CBL: variants seen among roughly 807,000 people sequenced by gnomAD.
CBL encodes E3 ubiquitin-protein ligase CBL.
Under a neutral mutation model 96.9 loss-of-function variants are expected in CBL, and 45 were observed. The observed-to-expected ratio is 0.46, with a 90% CI of 0.37 to 0.60. The LOEUF is 0.60. Among genes scored for constraint, CBL ranks in the 20% least tolerant of loss-of-function variants. The probability of loss-of-function intolerance (pLI) is 0.00; values close to 1 mark genes in which losing one functional copy is unlikely to be tolerated. For synonymous variants in CBL, 420 were observed against 426.8 expected (o/e 0.98, Z 0.20); for missense variants, 1,024 against 1,143.5 (o/e 0.90, Z 1.51).
At chr11:119,230,276 C>A (rs1306399813) in intron 1 of CBL, among the ~76,000 whole-genome samples, 2 of 151,766 alleles carry the variant, frequency 1.3e-5, no homozygotes, top group East Asian at 3.9e-4. Flanking sequence ...CTCAGCCTCT[C>A]CGAGTAGCTG....
chr11:119,264,979 C>G (rs572019889), intron 2 of CBL, among the ~76,000 whole-genome samples: 6 of 152,246 alleles, frequency 3.9e-5, no homozygotes, highest in African/African-American at 1.2e-4. Flanking sequence ...CAGGTTCAAG[C>G]TATCATCCCA....
chr11:119,276,406 T>C (rs1949889756), intron 6 of CBL, among the ~76,000 whole-genome samples: 1 of 152,244 alleles, frequency 6.6e-6, no homozygotes, highest in African/African-American at 2.4e-5. Context: ...TTTTCAAGCC[T>C]GTGTTAGGTT....
intron 2 of CBL, among the ~76,000 whole-genome samples, chr11:119,248,099 A>C (rs1195372340): frequency 6.6e-6 from 1 of 152,206 alleles, no homozygotes; most frequent in Non-Finnish European, 1.5e-5. Flanking sequence ...TTCCAGTAGC[A>C]CTTTTTTCAG....
intron 1 of CBL, among the ~76,000 whole-genome samples, chr11:119,209,308 C>G (rs1242033468): frequency 6.6e-6 from 1 of 152,174 alleles, no homozygotes; most frequent in Non-Finnish European, 1.5e-5. Context: ...ATGTCCCACA[C>G]ATTTAATTCT....
rs1032679085 is a variant in CBL at position 119,305,459 on chromosome 11, A to C, written c.*5678A>C. 2 of 230,986 alleles carry C rather than the reference A, an allele frequency of 8.7e-6. No homozygotes were observed. Among genetic ancestry groups the C allele is most frequent in the Non-Finnish European group, 1.7e-5 (2 of 116,674 alleles). The allele number at this position is 230,986 out of a possible 1,614,324, so 14.3% of individuals were successfully genotyped here. On this transcript the variant is annotated 3_prime_UTR_variant, in exon 16 of 16. Transcript: ENST00000264033. The stretch of plus-strand genomic sequence containing the variant: ...GTCCTCTTCAGGTTTGAGTGCTTGA[A>C]AATGTTCATTCTCTGGGCTTGTGGC...
chr11:119,281,991 A>T (rs1453764050), intron 9 of CBL, among the ~76,000 whole-genome samples: 3 of 152,110 alleles, frequency 2.0e-5, no homozygotes, highest in Non-Finnish European at 4.4e-5. Context: ...CTTATTTTCC[A>T]TTTATAAATT....
intron 2 of CBL, among the ~76,000 whole-genome samples, chr11:119,270,416 TTATATA>T (rs142299271): frequency 2.7e-5 from 2 of 74,364 alleles, no homozygotes; most frequent in South Asian, 5.6e-4. Context: ...CAGCTAATTT[TTATATA>T]TATATATATA....
Position 119,225,727 on chromosome 11 carries a change from T to TTTC in CBL, c.196-6719_196-6718insCTT, listed in dbSNP as rs1555226232. Among the ~76,000 whole-genome samples the TTTC allele has an allele frequency of 6.3e-5, 9 of 143,012 alleles. 1 individual carries two copies. Among genetic ancestry groups the TTTC allele is most frequent in the Admixed American group, 4.1e-4 (6 of 14,464 alleles). The allele number at this position is 143,012 out of a possible 152,430, so 93.8% of individuals were successfully genotyped here. A position where few individuals can be genotyped will look rare whatever the true frequency, so the allele number is the denominator to read the frequency against. On this transcript the variant is annotated intron_variant, in intron 1 of 15. Coordinates refer to ENST00000264033, the MANE Select transcript of CBL (RefSeq NM_005188.4). ...ATCCAGCCAATATAAATATTTTCTT[T>TTTC]TTTTTTTTTTTTTTTTTGAGACAGA...
At position 119,307,842 on chromosome 11, in the gene CBL, G is replaced by A. The variant is rs967192523; in HGVS notation, c.*8061G>A. ...ACAAACACATAGGTGAGATTTTCGT[G>A]GACTATTTTAAAAATGTGTCATTAA... On this transcript the variant is annotated 3_prime_UTR_variant, in exon 16 of 16. Transcript: ENST00000264033. 1.5e-5 allele frequency: 3 copies of A among 206,770 alleles called. No homozygotes were observed. The highest frequency in any genetic ancestry group is 3.0e-5 in the Non-Finnish European group (3 of 101,344). The allele number at this position is 206,770 out of a possible 1,614,324, so 12.8% of individuals were successfully genotyped here. A position where few individuals can be genotyped will look rare whatever the true frequency, so the allele number is the denominator to read the frequency against.
At chr11:119,255,213 C>CT (rs1323893420) in intron 2 of CBL, among the ~76,000 whole-genome samples, 1 of 152,098 alleles carries the variant, frequency 6.6e-6, no homozygotes, top group Non-Finnish European at 1.5e-5. Context: ...TACCTAGAGA[C>CT]TGTGTGGAGC....
At chr11:119,286,937 T>C (rs979859316) in intron 11 of CBL, among the ~76,000 whole-genome samples, 1 of 152,158 alleles carries the variant, frequency 6.6e-6, no homozygotes, top group African/African-American at 2.4e-5. Context: ...AAGAAGGGTA[T>C]AGAGAAAGCT....
At chr11:119,212,118 C>T (rs930180888) in intron 1 of CBL, among the ~76,000 whole-genome samples, 5 of 151,484 alleles carry the variant, frequency 3.3e-5, no homozygotes, top group Non-Finnish European at 5.9e-5. Context: ...GGGGTTTCTC[C>T]ATGTTGGGCA....
chr11:119,257,321 A>G (rs1293513795), intron 2 of CBL, among the ~76,000 whole-genome samples: 1 of 152,194 alleles, frequency 6.6e-6, no homozygotes, highest in Non-Finnish European at 1.5e-5. Flanking sequence ...GTAAGGTGGT[A>G]TCTCATTGTG....
intron 1 of CBL, among the ~76,000 whole-genome samples, chr11:119,224,904 C>CA (rs1949445021): frequency 1.3e-5 from 2 of 151,804 alleles, no homozygotes; most frequent in Non-Finnish European, 2.9e-5. Context: ...GGCAAGGGGG[C>CA]AGGCACACTT....
intron 3 of CBL, 87 bp downstream of exon 3, chr11:119,271,968 A>G: frequency 7.5e-7 from 1 of 1,335,232 alleles, no homozygotes; most frequent in Non-Finnish European, 1.1e-6. Flanking sequence ...AATATTTAAA[A>G]TTTGGGAACT....
chr11:119,248,689 A>G (rs533878239), intron 2 of CBL, among the ~76,000 whole-genome samples: 1 of 152,350 alleles, frequency 6.6e-6, no homozygotes, highest in South Asian at 2.1e-4. Flanking sequence ...CATATTAAGG[A>G]AGTGAAAAGG....
intron 2 of CBL, among the ~76,000 whole-genome samples, chr11:119,259,123 C>T (rs1949733274): frequency 2.0e-5 from 3 of 152,062 alleles, no homozygotes; most frequent in African/African-American, 2.4e-5. Flanking sequence ...GACTTGTATA[C>T]GTTGATTTCG....
intron 11 of CBL, among the ~76,000 whole-genome samples, 175 bp from the exon 12 acceptor site, chr11:119,287,676 TG>T (rs1193272528): frequency 6.6e-6 from 1 of 152,222 alleles, no homozygotes; most frequent in Non-Finnish European, 1.5e-5. Context: ...ACTTTACATT[TG>T]AAGGTTCTTC....
At chr11:119,233,888 T>G (rs995653403) in intron 2 of CBL, among the ~76,000 whole-genome samples, 3 of 152,240 alleles carry the variant, frequency 2.0e-5, no homozygotes, top group African/African-American at 7.2e-5. Context: ...CAACCCTAGC[T>G]TTCAATTAAA....
Sources: gnomAD v4.1 joint callset for allele counts (sites outside exome capture counted in the v4.1 genomes callset) on GRCh38, gnomAD v4.1.1 for gene constraint, MANE v1.5 for transcripts, NCBI Gene and HGNC (gene_info 2026-07-23, HGNC 2026-07-21) for gene names.